The following ZNF513 variants were observed in gnomAD, a reference collection of about 807,000 sequenced individuals.
ZNF513 encodes the protein zinc finger protein 513.
In ZNF513, 16 loss-of-function variants were observed where a neutral mutation model predicts 39.7. The ratio of observed to expected loss-of-function variants is 0.40; its 90% CI spans 0.27 to 0.61. The LOEUF (loss-of-function observed/expected upper bound fraction) is 0.61, where lower values mean the gene tolerates loss of function less well. Ranked by LOEUF, ZNF513 falls within the 20% of genes least tolerant of loss-of-function variation. The probability of loss-of-function intolerance (pLI) is 0.39; values close to 1 mark genes in which losing one functional copy is unlikely to be tolerated. For missense variants in ZNF513, 699 were observed against 743.6 expected (o/e 0.94, Z 0.70); for synonymous variants, 348 against 296.5 (o/e 1.17, Z -1.79).
chr2:27,377,607 A>C lies in ZNF513; in HGVS notation c.1564T>G (p.Ser522Ala). ...GTCCCCAGGGCTGGTGGGCCCCGAG[A>C]GCTCAAAACAGAGGGTGGGCTATGA... ...PPHSPPSVLS[S>A]RGPPALGTAG... Residue 522 changes from serine to alanine, a missense_variant, in exon 4 of 4, where the codon TCT becomes GCT. This residue lies in a region of ZNF513 where 71 missense variants were observed against 64.1 expected (regional missense o/e 1.11). Coordinates refer to ENST00000323703, the MANE Select transcript of ZNF513 (RefSeq NM_144631.6). The surrounding 1 kb of genome is among the most constrained non-coding windows in gnomAD (Gnocchi z 4.4). 1 of 1,614,036 alleles carries C rather than the reference A, an allele frequency of 6.2e-7. No homozygotes were observed.
chr2:27,379,468 C>T (rs1313630931), intron 2 of ZNF513, among the ~76,000 whole-genome samples: 1 of 152,124 alleles, frequency 6.6e-6, no homozygotes, highest in Non-Finnish European at 1.5e-5. Flanking sequence ...TAAAATAAAA[C>T]CTATCTCTGA....
At position 27,379,906 on chromosome 2, in the gene ZNF513, A is replaced by G. The variant is rs181642214; in HGVS notation, c.211+187T>C. Among the ~76,000 whole-genome samples, 168 of 152,328 alleles carry G rather than the reference A, an allele frequency of 1.1e-3. 1 individual carries two copies. Among genetic ancestry groups the G allele is most frequent in the African/African-American group, 3.8e-3 (160 of 41,582 alleles). On this transcript the variant is annotated intron_variant, in intron 2 of 3. Coordinates refer to ENST00000323703, the MANE Select transcript of ZNF513 (RefSeq NM_144631.6). ...TTCCTATCACCTTTGACCAGGCCTC[A>G]GAACTTCACCTCAACAAAGTGATGG...
At position 27,377,851 on chromosome 2, in the gene ZNF513, A is replaced by T. The variant is rs753498383; in HGVS notation, c.1320T>A (p.Gly440=). 84 of 1,614,048 alleles carry T rather than the reference A, an allele frequency of 5.2e-5. 1 individual carries two copies. The South Asian group carries it at 8.6e-4, about 16-fold the overall frequency. ...NLKRHGRIHS[G]DKPFRCSLCN... Reference sequence around the variant, plus strand: ...AAAGGCTACACCGAAAAGGTTTGTCACCAGAGTGGATGCGACCATGACGCT... The same window carrying T: ...AAAGGCTACACCGAAAAGGTTTGTCTCCAGAGTGGATGCGACCATGACGCT... The change falls in exon 4 of 4, where the codon GGT becomes GGA. Residue 440 remains glycine, a synonymous_variant. Transcript: ENST00000323703. This position sits in a 1 kb window ranked among gnomAD's most constrained non-coding sequence, Gnocchi z 4.4.
rs2148413830 is a variant in ZNF513, at chr2:27,378,983, G to C, written c.283C>G (p.Leu95Val). 1 of 1,613,074 alleles carries C rather than the reference G, an allele frequency of 6.2e-7. No homozygotes were observed. Among genetic ancestry groups the C allele is most frequent in the African/African-American group, 1.3e-5 (1 of 75,016 alleles). Residue 95 changes from leucine (L) to valine (V), a missense_variant, in exon 3 of 4, where the codon CTA (leucine) becomes GTA (valine). By Grantham distance (32) the Leu-to-Val change is conservative (BLOSUM62 1). Coordinates refer to ENST00000323703, the MANE Select transcript of ZNF513 (RefSeq NM_144631.6). This position sits in a 1 kb window ranked among gnomAD's most constrained non-coding sequence, Gnocchi z 8.0. ...TCCTCAACTTCACTCTCCGCACTTA[G>C]TGCCCGGCCGCCCCCAGACTCATCG... is the stretch of plus-strand genomic sequence containing the variant. Reference protein sequence around the residue: ...SDDESGGGRALSAESEVEEPA... With the variant: ...SDDESGGGRAVSAESEVEEPA...
rs1446760152 is a variant in ZNF513, at chr2:27,380,643, G to A, written c.-117C>T. ...GGCCCGCGGGCCGCCCCCATGCAGC[G>A]GCGCGGGCCCTGGGCAGCCCCCGGC... On this transcript the variant is annotated 5_prime_UTR_variant, in exon 1 of 4. Coordinates refer to ENST00000323703, the MANE Select transcript of ZNF513 (RefSeq NM_144631.6). 17 of 1,407,908 alleles carry A rather than the reference G, an allele frequency of 1.2e-5. No homozygotes were observed. Among genetic ancestry groups the A allele is most frequent in the Non-Finnish European group, 1.5e-5 (16 of 1,085,744 alleles). The allele number at this position is 1,407,908 out of a possible 1,614,324, so 87.2% of individuals were successfully genotyped here. A position where few individuals can be genotyped will look rare whatever the true frequency, so the allele number is the denominator to read the frequency against.
In ZNF513 at chr2:27,378,664, G is replaced by C; in HGVS notation, c.602C>G (p.Thr201Ser). 5 of 1,613,854 alleles carry C rather than the reference G, an allele frequency of 3.1e-6. No homozygotes were observed. Among genetic ancestry groups the C allele is most frequent in the Non-Finnish European group, 4.2e-6 (5 of 1,179,962 alleles). ...VNLTRHTRTH[T>S]GEKPYRCPHC... ...GGGACAGCGGTAGGGCTTCTCGCCAGTGTGGGTGCGGGTATGTCGTGTCAG... is the reference window on the plus strand; with the variant it reads ...GGGACAGCGGTAGGGCTTCTCGCCACTGTGGGTGCGGGTATGTCGTGTCAG... Residue 201 changes from threonine (T) to serine (S), a missense_variant, in exon 3 of 4, where the codon ACT becomes AGT. This residue lies in a region of ZNF513 where 530 missense variants were observed against 499.3 expected (regional missense o/e 1.06). Coordinates refer to ENST00000323703, the MANE Select transcript of ZNF513 (RefSeq NM_144631.6). The surrounding 1 kb of genome is among the most constrained non-coding windows in gnomAD (Gnocchi z 8.0).
Position 27,377,458 on chromosome 2 carries a change from T to TA in ZNF513, c.*86_*87insT. The TA allele has an allele frequency of 1.4e-6, 2 of 1,434,514 alleles. No homozygotes were observed. Among genetic ancestry groups the TA allele is most frequent in the South Asian group, 2.3e-5 (2 of 86,468 alleles). The allele number at this position is 1,434,514 out of a possible 1,614,324, so 88.9% of individuals were successfully genotyped here. A position where few individuals can be genotyped will look rare whatever the true frequency, so the allele number is the denominator to read the frequency against. ...TGGGCTGGTCCTTATAGTGCCTACG[T>TA]TAGTCTGTGTGGAGCCCCTGGCCAG... On this transcript the variant is annotated 3_prime_UTR_variant, in exon 4 of 4. Transcript: ENST00000323703. This position sits in a 1 kb window ranked among gnomAD's most constrained non-coding sequence, Gnocchi z 4.4.
rs762064973 is a variant in ZNF513 at position 27,378,329 on chromosome 2, C to T, written c.842G>A (p.Gly281Asp). The T allele has an allele frequency of 2.5e-6, 4 of 1,601,502 alleles. No homozygotes were observed. Among genetic ancestry groups the T allele is most frequent in the Non-Finnish European group, 3.4e-6 (4 of 1,179,972 alleles). ...LPDLSLHVPP[G>D]GASFLPDCGQ... is the part of the protein sequence containing the mutation. Reference sequence around the variant, plus strand: ...ACAGTCTGGCAGGAAACTGGCACCACCTGGTGGCACATGGAGGCTCAAATC... The same window carrying T: ...ACAGTCTGGCAGGAAACTGGCACCATCTGGTGGCACATGGAGGCTCAAATC... Residue 281 changes from glycine to aspartate, a missense_variant, in exon 4 of 4, where the codon GGT (glycine) becomes GAT (aspartate). This residue lies in a region of ZNF513 where 530 missense variants were observed against 499.3 expected (regional missense o/e 1.06). Coordinates refer to ENST00000323703, the MANE Select transcript of ZNF513 (RefSeq NM_144631.6). The surrounding 1 kb of genome is among the most constrained non-coding windows in gnomAD (Gnocchi z 8.0).
intron 2 of ZNF513, 108 bp from the exon 3 acceptor site, chr2:27,379,162 TTGA>T: frequency 1.9e-6 from 2 of 1,076,022 alleles, no homozygotes; most frequent in Non-Finnish European, 2.8e-6. Flanking sequence ...ACCCTTAGCT[TTGA>T]TGATCCCTTT....
chr2:27,378,234 G>T lies in ZNF513; in HGVS notation c.937C>A (p.Pro313Thr). ...TGTCCACAGCCCCGGCAGGTCCAAG[G>T]GAATAGCAGCTCTGGCAGTGGTTCT... Reference protein sequence around the residue: ...GSEPLPELLFPWTCRGCGQEL... With the variant: ...GSEPLPELLFTWTCRGCGQEL... The change falls in exon 4 of 4, where the codon CCT becomes ACT. Residue 313 changes from proline (P) to threonine (T), a missense_variant. Physicochemically the swap from Pro to Thr is conservative, Grantham distance 38. Transcript: ENST00000323703. This position sits in a 1 kb window ranked among gnomAD's most constrained non-coding sequence, Gnocchi z 8.0. 6.2e-7 allele frequency: 1 copy of T among 1,603,964 alleles called. No homozygotes were observed.
intron 2 of ZNF513, among the ~76,000 whole-genome samples, chr2:27,379,826 GAGAC>G (rs1170299215): frequency 6.6e-6 from 1 of 152,190 alleles, no homozygotes; most frequent in South Asian, 2.1e-4. Context: ...GCTAGGGAGA[GAGAC>G]AGGGCATTTA....
rs750528321 is a variant in ZNF513 at position 27,379,035 on chromosome 2, C to T, written c.231G>A (p.Arg77=). 8.1e-6 allele frequency: 13 copies of T among 1,612,982 alleles called. No individual in the cohort carries two copies. Among genetic ancestry groups the T allele is most frequent in the Admixed American group, 1.7e-5 (1 of 60,014 alleles). The change falls in exon 3 of 4, where the codon AGG becomes AGA. Residue 77 remains arginine, a synonymous_variant. Transcript: ENST00000323703. The stretch of plus-strand genomic sequence containing the variant: ...CGCTCAGCCCATAGGGAAGCCCAGG[C>T]CTGGCCCCCAGAGAGTCTCCTGGTG... ...RDSEGDSLGA[R]PGLPYGLSDD...
chr2:27,380,335 T>G (rs1005911394), intron 1 of ZNF513, 87 bp from the exon 2 acceptor site: 9 of 1,609,482 alleles, frequency 5.6e-6, no homozygotes, highest in Non-Finnish European at 7.6e-6. Context: ...CCACTCTGAT[T>G]CCCTTAGTGC....
Position 27,378,329 on chromosome 2 carries a change from C to A in ZNF513, c.842G>T (p.Gly281Val). 1 of 1,601,502 alleles carries A rather than the reference C, an allele frequency of 6.2e-7. No homozygotes were observed. Among genetic ancestry groups the A allele is most frequent in the Non-Finnish European group, 8.5e-7 (1 of 1,179,972 alleles). Reference sequence around the variant, plus strand: ...ACAGTCTGGCAGGAAACTGGCACCACCTGGTGGCACATGGAGGCTCAAATC... The same window carrying A: ...ACAGTCTGGCAGGAAACTGGCACCAACTGGTGGCACATGGAGGCTCAAATC... ...LPDLSLHVPP[G>V]GASFLPDCGQ... The change falls in exon 4 of 4, where the codon GGT (glycine) becomes GTT (valine). Residue 281 changes from glycine (G) to valine (V), a missense_variant. Coordinates refer to ENST00000323703, the MANE Select transcript of ZNF513 (RefSeq NM_144631.6). This position sits in a 1 kb window ranked among gnomAD's most constrained non-coding sequence, Gnocchi z 8.0.
In ZNF513 at chr2:27,378,419, G is replaced by C. The variant is rs745375214; in HGVS notation, c.799+48C>G. The C allele has an allele frequency of 6.2e-7, 1 of 1,612,654 alleles. No homozygotes were observed. The highest frequency in any genetic ancestry group is 8.5e-7 in the Non-Finnish European group (1 of 1,179,960). ...TATGAATCCAATCCAAGCATTCCTA[G>C]GGTCAGCCACCCATGTCCCAAGATC... On this transcript the variant is annotated intron_variant, in intron 3 of 3. Transcript: ENST00000323703. The surrounding 1 kb of genome is among the most constrained non-coding windows in gnomAD (Gnocchi z 8.0).
chr2:27,378,174 C>G lies in ZNF513; in HGVS notation c.997G>C (p.Ala333Pro), dbSNP rs1683434036. The change falls in exon 4 of 4, where the codon GCT becomes CCT. Residue 333 changes from alanine (A) to proline (P), a missense_variant. By Grantham distance (27) the Ala-to-Pro change is conservative (BLOSUM62 -1). Around this residue, in one of 3 missense-constraint regions of ZNF513, gnomAD observed 530 missense variants for 499.3 expected, o/e 1.06. Transcript: ENST00000323703. This position sits in a 1 kb window ranked among gnomAD's most constrained non-coding sequence, Gnocchi z 8.0. ...CGCATGCAGCGCCCACACATGGCAG[C>G]TCCCAGCCGACTACCCTCACCCTCC... ...LEEGEGSRLG[A>P]AMCGRCMRGE... is the part of the protein sequence containing the mutation. 1.2e-6 allele frequency: 2 copies of G among 1,612,308 alleles called. No homozygotes were observed. The highest frequency in any genetic ancestry group is 4.5e-5 in the East Asian group (2 of 44,870).
chr2:27,378,228 T>C lies in ZNF513; in HGVS notation c.943A>G (p.Thr315Ala), dbSNP rs2148412500. 6.2e-7 allele frequency: 1 copy of C among 1,604,610 alleles called. No homozygotes were observed. The highest frequency in any genetic ancestry group is 8.5e-7 in the Non-Finnish European group (1 of 1,179,922). Residue 315 changes from threonine to alanine, a missense_variant, in exon 4 of 4, where the codon ACC (threonine) becomes GCC (alanine). Thr to Ala is a moderately conservative substitution (Grantham distance 58, BLOSUM62 0). Coordinates refer to ENST00000323703, the MANE Select transcript of ZNF513 (RefSeq NM_144631.6). The surrounding 1 kb of genome is among the most constrained non-coding windows in gnomAD (Gnocchi z 8.0). ...EPLPELLFPW[T>A]CRGCGQELEE... ...AGCTCTTGTCCACAGCCCCGGCAGGTCCAAGGGAATAGCAGCTCTGGCAGT... is the reference window on the plus strand; with the variant it reads ...AGCTCTTGTCCACAGCCCCGGCAGGCCCAAGGGAATAGCAGCTCTGGCAGT...
Position 27,380,556 on chromosome 2 carries a change from G to C in ZNF513, c.-30C>G. 1 of 1,545,152 alleles carries C rather than the reference G, an allele frequency of 6.5e-7. No homozygotes were observed. The highest frequency in any genetic ancestry group is 8.8e-7 in the Non-Finnish European group (1 of 1,139,528). ...ACCGGCTCCAGCCCGACGCGCCTCC[G>C]GCCTGCGGCCGCCCGACCCCGCCCC... is the stretch of plus-strand genomic sequence containing the variant. On this transcript the variant is annotated 5_prime_UTR_variant, in exon 1 of 4. Coordinates refer to ENST00000323703, the MANE Select transcript of ZNF513 (RefSeq NM_144631.6).
chr2:27,378,407 C>T lies in ZNF513; in HGVS notation c.800-36G>A. The stretch of plus-strand genomic sequence containing the variant: ...AAAGACCTGGGCTATGAATCCAATC[C>T]AAGCATTCCTAGGGTCAGCCACCCA... On this transcript the variant is annotated intron_variant, in intron 3 of 3. Coordinates refer to ENST00000323703, the MANE Select transcript of ZNF513 (RefSeq NM_144631.6). The surrounding 1 kb of genome is among the most constrained non-coding windows in gnomAD (Gnocchi z 8.0). 1 of 1,611,182 alleles carries T rather than the reference C, an allele frequency of 6.2e-7. No homozygotes were observed. The highest frequency in any genetic ancestry group is 8.5e-7 in the Non-Finnish European group (1 of 1,179,876).
Sources: allele counts gnomAD v4.1 joint callset (sites outside exome capture counted in the v4.1 genomes callset), GRCh38; gene constraint gnomAD v4.1.1; regional missense constraint gnomAD v4.1.1; non-coding constraint Gnocchi (gnomAD v3.1); transcripts MANE v1.5; gene names NCBI Gene and HGNC (gene_info 2026-07-23, HGNC 2026-07-21).